The following ZNF99 variants were observed in gnomAD, a reference collection of about 807,000 sequenced individuals.
ZNF99 encodes zinc finger protein ENSP00000375192.
ZNF99 carries 8 observed loss-of-function variants against 12.8 expected under a neutral mutation model. That is an observed-to-expected ratio of 0.62 (90% CI 0.37 to 1.13). The LOEUF (loss-of-function observed/expected upper bound fraction) is 1.13, where lower values mean the gene tolerates loss of function less well. Ranked by LOEUF, ZNF99 falls within the 50% of genes most tolerant of loss-of-function variation. The pLI is 0.02. For synonymous variants in ZNF99, 318 were observed against 319.0 expected (o/e 1.00, Z 0.03); for missense variants, 1,007 against 1,006.2 (o/e 1.00, Z -0.01).
chr19:22,760,315 A>G (rs983452080), intron 3 of ZNF99, among the ~76,000 whole-genome samples: 83 of 152,164 alleles, frequency 5.5e-4, no homozygotes, highest in African/African-American at 2.0e-3. Context: ...GTAAATTGCC[A>G]TCTCCTGATT....
In ZNF99 at chr19:22,753,756, T is replaced by G. The variant is rs555579086; in HGVS notation, c.*3558A>C. ...GTGATGTTAAGATGTGAGCAGATAT[T>G]AATGGCTTTTCCACATTCTTCATAG... On this transcript the variant is annotated 3_prime_UTR_variant, in exon 4 of 4. Transcript: ENST00000596209. 7.7e-5 allele frequency: 14 copies of G among 182,222 alleles called. No homozygotes were observed. The South Asian group carries it at 1.5e-3, about 20-fold the overall frequency. 11.3% of individuals were successfully genotyped at this position (182,222 alleles called of 1,614,324 possible).
At position 22,769,357 on chromosome 19, in the gene ZNF99, C is replaced by T. The variant is rs371870091; in HGVS notation, c.4-33G>A. ...ACACAACAAAGATACATATAGATTT[C>T]CCAATTGGCCATGGACAGAATTTTT... On this transcript the variant is annotated intron_variant, in intron 1 of 3. Transcript: ENST00000596209. 8.8e-6 allele frequency: 14 copies of T among 1,583,200 alleles called. No homozygotes were observed. In the African/African-American group the frequency reaches 1.6e-4, roughly 19 times the overall value.
rs1210571941 is a variant in ZNF99 at position 22,784,027 on chromosome 19, C to T, written c.-11G>A. ...CGGCACTCTCACCATTTCTAAGCTT[C>T]CAGGGGGTCCTGGCGTCCTAGCTGT... On this transcript the variant is annotated 5_prime_UTR_variant, in exon 1 of 4. Transcript: ENST00000596209. The T allele has an allele frequency of 3.1e-6, 5 of 1,613,718 alleles. No homozygotes were observed. The highest frequency in any genetic ancestry group is 4.2e-6 in the Non-Finnish European group (5 of 1,179,962).
At position 22,757,149 on chromosome 19, in the gene ZNF99, C is replaced by T. The variant is rs1344185178; in HGVS notation, c.*165G>A. 1.2e-6 allele frequency: 2 copies of T among 1,610,476 alleles called. No individual in the cohort carries two copies. Among genetic ancestry groups the T allele is most frequent in the Non-Finnish European group, 1.7e-6 (2 of 1,178,300 alleles). The stretch of plus-strand genomic sequence containing the variant: ...TAGGGCTTCTCCCCAGTATGAACTG[C>T]TTTATGTCTAGTAAGGTGTGAGGAC... On this transcript the variant is annotated 3_prime_UTR_variant, in exon 4 of 4. Transcript: ENST00000596209.
rs779010885 is a variant in ZNF99 at position 22,758,244 on chromosome 19, A to G, written c.1665T>C (p.His555=). The stretch of plus-strand genomic sequence containing the variant: ...GTTTCTTCCCAGTATGAATTATCTT[A>G]TGTTTCATAAGGGTTGAGGAATTGT... The part of the protein sequence containing the change: ...AFNNSSTLMK[H]KIIHTGKKPY... Residue 555 remains histidine, a synonymous_variant, in exon 4 of 4, where the codon CAT becomes CAC. Coordinates refer to ENST00000596209, the MANE Select transcript of ZNF99 (RefSeq NM_001080409.3). The G allele has an allele frequency of 2.5e-6, 4 of 1,600,444 alleles. No individual in the cohort carries two copies. The highest frequency in any genetic ancestry group is 3.4e-6 in the Non-Finnish European group (4 of 1,170,092).
At chr19:22,777,263 C>A (rs1973340271) in intron 1 of ZNF99, among the ~76,000 whole-genome samples, 1 of 152,154 alleles carries the variant, frequency 6.6e-6, no homozygotes, top group Admixed American at 6.5e-5. Flanking sequence ...ATAGATGGAG[C>A]TGGAGACCAT....
At chr19:22,760,995 C>T (rs1019782168) in intron 3 of ZNF99, among the ~76,000 whole-genome samples, 1 of 151,330 alleles carries the variant, frequency 6.6e-6, no homozygotes, top group Non-Finnish European at 1.5e-5. Flanking sequence ...CAGGACAAGG[C>T]TACATTATGA....
chr19:22,753,508 T>C lies in ZNF99; in HGVS notation c.*3806A>G, dbSNP rs938605942. 1.3e-4 allele frequency: 20 copies of C among 152,136 alleles called. No individual in the cohort carries two copies. Among genetic ancestry groups the C allele is most frequent in the Admixed American group, 2.0e-4 (3 of 15,270 alleles). The allele number at this position is 152,136 out of a possible 1,614,324, so 9.4% of individuals were successfully genotyped here. A position where few individuals can be genotyped will look rare whatever the true frequency, so the allele number is the denominator to read the frequency against. Reference sequence around the variant, plus strand: ...CATTTGCAGGTTTTTTTCTCTATTATACATTCCCTGATATTGAACAAAGTT... The same window carrying C: ...CATTTGCAGGTTTTTTTCTCTATTACACATTCCCTGATATTGAACAAAGTT... On this transcript the variant is annotated 3_prime_UTR_variant, in exon 4 of 4. Transcript: ENST00000596209.
intron 3 of ZNF99, among the ~76,000 whole-genome samples, chr19:22,764,969 G>A (rs974847742): frequency 6.6e-6 from 1 of 152,138 alleles, no homozygotes; most frequent in African/African-American, 2.4e-5. Context: ...ATTTGATCCA[G>A]CAATCCCACT....
chr19:22,774,141 G>C (rs894953109), intron 1 of ZNF99: 1 of 152,552 alleles, frequency 6.6e-6, no homozygotes, highest in Non-Finnish European at 1.5e-5. Flanking sequence ...ATTATGCTGA[G>C]AGGAAAAAAG....
intron 1 of ZNF99, among the ~76,000 whole-genome samples, chr19:22,779,751 A>G (rs1973367381): frequency 6.6e-6 from 1 of 152,010 alleles, no homozygotes; most frequent in Admixed American, 6.6e-5. Flanking sequence ...TTCACCCTCC[A>G]TTCGCCATCC....
At chr19:22,771,272 T>TTTC (rs1973267045) in intron 1 of ZNF99, 1 of 114,384 alleles carries the variant, frequency 8.7e-6, no homozygotes, top group African/African-American at 4.2e-5. Flanking sequence ...TTTTTTTTTT[T>TTTC]TGAGGCAGAG....
chr19:22,759,274 C>A lies in ZNF99; in HGVS notation c.635G>T (p.Trp212Leu). ...CTTATGTTTAATAAGGGTTGAGAAC[C>A]ATTTAAAGGCTTTGCCACGTTCTTC... ...KCEERGKAFK[W>L]FSTLIKHKII... Residue 212 changes from tryptophan to leucine, a missense_variant, in exon 4 of 4, where the codon TGG becomes TTG. Trp to Leu is a moderately conservative substitution (Grantham distance 61, BLOSUM62 -2). Transcript: ENST00000596209. 3.2e-6 allele frequency: 5 copies of A among 1,550,580 alleles called. No homozygotes were observed. Among genetic ancestry groups the A allele is most frequent in the Non-Finnish European group, 3.5e-6 (4 of 1,148,602 alleles).
At chr19:22,783,781 G>C (rs1330610023) in intron 1 of ZNF99, among the ~76,000 whole-genome samples, 1 of 152,152 alleles carries the variant, frequency 6.6e-6, no homozygotes, top group Non-Finnish European at 1.5e-5. Context: ...GCCCAGAGAG[G>C]GCTCCAGGCC....
intron 1 of ZNF99, among the ~76,000 whole-genome samples, chr19:22,783,317 CTTTT>C (rs35900800): frequency 6.7e-6 from 1 of 149,752 alleles, no homozygotes; most frequent in African/African-American, 2.4e-5. Flanking sequence ...AATTCAAGTG[CTTTT>C]TTTTTTGTAA....
rs1973118883 is a variant in ZNF99 at position 22,759,095 on chromosome 19, G to C, written c.814C>G (p.Leu272Val). 2.5e-6 allele frequency: 4 copies of C among 1,613,310 alleles called. No homozygotes were observed. The highest frequency in any genetic ancestry group is 3.4e-6 in the Non-Finnish European group (4 of 1,179,674). ...CGKVFNNSST[L>V]MKHKIIHTGK... Reference sequence around the variant, plus strand: ...GTATGAATTATCTTATGTTTCATAAGGGTTGAGGAATTGTTAAAAACTTTG... The same window carrying C: ...GTATGAATTATCTTATGTTTCATAACGGTTGAGGAATTGTTAAAAACTTTG... Residue 272 changes from leucine to valine, a missense_variant, in exon 4 of 4, where the codon CTT (leucine) becomes GTT (valine). By Grantham distance (32) the Leu-to-Val change is conservative. Coordinates refer to ENST00000596209, the MANE Select transcript of ZNF99 (RefSeq NM_001080409.3).
At chr19:22,769,883 T>G in intron 1 of ZNF99, 1 of 1,355,046 alleles carries the variant, frequency 7.4e-7, no homozygotes. Flanking sequence ...TTCTGGATAA[T>G]AAAGTATAAA....
At chr19:22,776,882 A>T (rs1044881688) in intron 1 of ZNF99, among the ~76,000 whole-genome samples, 8 of 151,832 alleles carry the variant, frequency 5.3e-5, no homozygotes, top group Non-Finnish European at 8.8e-5. Flanking sequence ...TTGGTGGCTC[A>T]TGCCTGTAGT....
chr19:22,753,800 G>C lies in ZNF99; in HGVS notation c.*3514C>G, dbSNP rs1157858630. The C allele has an allele frequency of 4.5e-6, 1 of 222,892 alleles. No homozygotes were observed. The allele number at this position is 222,892 out of a possible 1,614,324, so 13.8% of individuals were successfully genotyped here. A position where few individuals can be genotyped will look rare whatever the true frequency, so the allele number is the denominator to read the frequency against. On this transcript the variant is annotated 3_prime_UTR_variant, in exon 4 of 4. Transcript: ENST00000596209. ...TTCATAGGTGTACATTTTTTTTCAA[G>C]TATAAATGCTTTCCTATGCGATAAG...
Sources: gnomAD v4.1 joint callset for allele counts (sites outside exome capture counted in the v4.1 genomes callset) on GRCh38, gnomAD v4.1.1 for gene constraint, MANE v1.5 for transcripts, NCBI Gene and HGNC (gene_info 2026-07-23, HGNC 2026-07-21) for gene names.